Variants in WDR70 observed in about 807,000 individuals in gnomAD.
The protein encoded by WDR70 is WD repeat domain 70, also known as WD repeat-containing protein 70.
Under a neutral mutation model 88.6 loss-of-function variants are expected in WDR70, and 53 were observed. The observed-to-expected ratio is 0.60, with a 90% CI of 0.48 to 0.75. WDR70 has a LOEUF of 0.75. WDR70 is among the 30% of genes least tolerant of loss of function. The pLI, the probability that WDR70 is intolerant of heterozygous loss-of-function variation, is 0.00. For synonymous variants in WDR70, 280 were observed against 270.0 expected, an observed-to-expected ratio of 1.04 and a Z score of -0.36; for missense variants, 610 against 823.2, an observed-to-expected ratio of 0.74 and a Z score of 3.17.
In WDR70 at chr5:37,673,712, A is replaced by G. The variant is rs182878974; in HGVS notation, c.1093-23943A>G. Among the ~76,000 whole-genome samples the G allele has an allele frequency of 1.7e-3, 252 of 151,686 alleles. 1 individual carries two copies. The highest frequency in any genetic ancestry group is 5.7e-3 in the African/African-American group (235 of 41,290). On this transcript the variant is annotated intron_variant, in intron 10 of 17. Transcript: ENST00000265107. ...TATTGGCTGCACAGATCATCCCAAC[A>G]CACAGATACTAAGTCCAGTGTTCAT...
chr5:37,736,536 T>A (rs1000566198), intron 17 of WDR70, among the ~76,000 whole-genome samples: 1 of 152,134 alleles, frequency 6.6e-6, no homozygotes, highest in African/African-American at 2.4e-5. Flanking sequence ...ATTGTCACTC[T>A]CCACTGTATT....
At chr5:37,596,059 C>G (rs898023296) in intron 9 of WDR70, among the ~76,000 whole-genome samples, 1 of 152,154 alleles carries the variant, frequency 6.6e-6, no homozygotes, top group Non-Finnish European at 1.5e-5. Context: ...AAGCTTTCTT[C>G]TCCGCTTTAT....
chr5:37,540,176 C>T (rs932619535), intron 9 of WDR70, among the ~76,000 whole-genome samples: 3 of 152,090 alleles, frequency 2.0e-5, no homozygotes, highest in African/African-American at 4.8e-5. Flanking sequence ...TCTACAGCCT[C>T]GGGATAAAAT....
chr5:37,381,680 C>T lies in WDR70; in HGVS notation c.170C>T (p.Thr57Ile). The T allele has an allele frequency of 6.2e-7, 1 of 1,610,388 alleles. No individual in the cohort carries two copies. Among genetic ancestry groups the T allele is most frequent in the Middle Eastern group, 1.7e-4 (1 of 6,022 alleles). ...RRTAVERSRK[T>I]LEAREKEEEM... The stretch of plus-strand genomic sequence containing the variant: ...ACAGCTGTGGAAAGAAGTCGCAAAA[C>T]ACTGGGTAAGAAGCTCAGATATTTG... The change falls in exon 3 of 18, where the codon ACA becomes ATA. Residue 57 changes from threonine (T) to isoleucine (I), a missense_variant. Physicochemically the swap from Thr to Ile is moderately conservative, Grantham distance 89 (BLOSUM62 -1). Transcript: ENST00000265107.
At chr5:37,686,806 T>C (rs1286900453) in intron 10 of WDR70, among the ~76,000 whole-genome samples, 3 of 151,632 alleles carry the variant, frequency 2.0e-5, no homozygotes, top group Non-Finnish European at 4.4e-5. Context: ...AACTCTGGGA[T>C]TTTGTGCTTG....
chr5:37,665,013 T>C (rs1745798269), intron 10 of WDR70, among the ~76,000 whole-genome samples: 1 of 152,184 alleles, frequency 6.6e-6, no homozygotes, highest in African/African-American at 2.4e-5. Flanking sequence ...AATATGTAGG[T>C]CTTTTGTTCA....
intron 8 of WDR70, among the ~76,000 whole-genome samples, chr5:37,515,036 G>T (rs371952559): frequency 6.8e-6 from 1 of 147,130 alleles, no homozygotes; most frequent in African/African-American, 2.5e-5. Context: ...AAAAAAAAAA[G>T]AAAAAGCAGA....
chr5:37,729,607 A>G (rs527760623), intron 17 of WDR70, among the ~76,000 whole-genome samples: 99 of 152,192 alleles, frequency 6.5e-4, no homozygotes, highest in Non-Finnish European at 1.1e-3. Flanking sequence ...CACTTTTCCT[A>G]TCTGCATGGC....
chr5:37,384,014 C>T (rs1428857326), intron 3 of WDR70, among the ~76,000 whole-genome samples: 4 of 152,026 alleles, frequency 2.6e-5, no homozygotes, highest in Non-Finnish European at 5.9e-5. Context: ...CAGATGATTT[C>T]GAAGCAAATC....
intron 7 of WDR70, among the ~76,000 whole-genome samples, chr5:37,475,996 C>A (rs1435998953): frequency 6.6e-6 from 1 of 151,868 alleles, no homozygotes; most frequent in Admixed American, 6.6e-5. Context: ...AAGGCATGCA[C>A]CACCATGCCC....
intron 7 of WDR70, among the ~76,000 whole-genome samples, chr5:37,455,305 C>G (rs1310147784): frequency 6.8e-6 from 1 of 147,504 alleles, no homozygotes; most frequent in African/African-American, 2.5e-5. Flanking sequence ...AGTGCAGTAG[C>G]ACGATCTTGG....
rs1750089442 is a variant in WDR70, at chr5:37,425,348, T to A, written c.493-12574T>A. 2.6e-5 allele frequency among the ~76,000 whole-genome samples: 4 copies of A among 152,248 alleles called. No homozygotes were observed. The South Asian group carries it at 8.3e-4, about 31-fold the overall frequency. ...GCACGATAACATGGATCAGAAGTGC[T>A]AACTGGGAGACAGGTTGTAATTTAA... On this transcript the variant is annotated intron_variant, in intron 5 of 17. Transcript: ENST00000265107.
At chr5:37,432,715 C>T (rs939220855) in intron 5 of WDR70, among the ~76,000 whole-genome samples, 1 of 151,690 alleles carries the variant, frequency 6.6e-6, no homozygotes, top group Admixed American at 6.6e-5. Flanking sequence ...CCGCGCCCGG[C>T]CTTTCTGGCT....
intron 10 of WDR70, among the ~76,000 whole-genome samples, chr5:37,609,288 A>G (rs919838081): frequency 6.6e-6 from 1 of 152,184 alleles, no homozygotes; most frequent in Non-Finnish European, 1.5e-5. Context: ...ATGTCTCTTT[A>G]TAATTCTGGG....
intron 10 of WDR70, among the ~76,000 whole-genome samples, chr5:37,668,730 T>A (rs1454703017): frequency 2.0e-5 from 3 of 152,184 alleles, no homozygotes; most frequent in African/African-American, 7.2e-5. Context: ...TTCCAGCTGG[T>A]CATCAGTTAG....
intron 13 of WDR70, among the ~76,000 whole-genome samples, chr5:37,719,908 T>C (rs1189573307): frequency 6.6e-6 from 1 of 150,868 alleles, no homozygotes; most frequent in Non-Finnish European, 1.5e-5. Context: ...AGTGGCACAA[T>C]CATAGCTCAC....
rs1041289637 is a variant in WDR70, at chr5:37,632,358, T to A, written c.1092+27120T>A. Among the ~76,000 whole-genome samples the A allele has an allele frequency of 3.9e-5, 6 of 152,220 alleles. No homozygotes were observed. In the East Asian group the frequency reaches 9.6e-4, roughly 24 times the overall value. On this transcript the variant is annotated intron_variant, in intron 10 of 17. Transcript: ENST00000265107. ...TACTTCTACTTATTTAAAAAAGCAG[T>A]TGACTGTAAAACATCCTCAGGTTCT...
At chr5:37,428,063 C>T (rs1178885916) in intron 5 of WDR70, among the ~76,000 whole-genome samples, 1 of 151,538 alleles carries the variant, frequency 6.6e-6, no homozygotes, top group Non-Finnish European at 1.5e-5. Context: ...GGACCATCAC[C>T]TAGACTTGTT....
chr5:37,622,657 C>T (rs568177085), intron 10 of WDR70, among the ~76,000 whole-genome samples: 14 of 151,998 alleles, frequency 9.2e-5, no homozygotes, highest in South Asian at 2.1e-4. Context: ...AACCAAACAC[C>T]GCATGTTCTC....
Sources: gnomAD v4.1 joint callset for allele counts (sites outside exome capture counted in the v4.1 genomes callset) on GRCh38, gnomAD v4.1.1 for gene constraint, MANE v1.5 for transcripts, NCBI Gene and HGNC (gene_info 2026-07-23, HGNC 2026-07-21) for gene names.